The following PIP4K2A variants were observed in gnomAD, a reference collection of about 807,000 sequenced individuals.
PIP4K2A encodes phosphatidylinositol-5-phosphate 4-kinase type 2 alpha.
Under a neutral mutation model 42.9 loss-of-function variants are expected in PIP4K2A, and 14 were observed. The ratio of observed to expected loss-of-function variants is 0.33; its 90% CI spans 0.22 to 0.51. The LOEUF is 0.51. Among genes scored for constraint, PIP4K2A ranks in the 20% least tolerant of loss-of-function variants. The pLI, the probability that PIP4K2A is intolerant of heterozygous loss-of-function variation, is 0.97. For missense variants in PIP4K2A, 434 were observed against 519.8 expected (o/e 0.83, Z 1.61); for synonymous variants, 192 against 192.2 (o/e 1.00, Z 0.01).
At chr10:22,604,217 T>C (rs1564439182) in intron 3 of PIP4K2A, among the ~76,000 whole-genome samples, 1 of 152,346 alleles carries the variant, frequency 6.6e-6, no homozygotes. Context: ...TGTTTTCATT[T>C]TTCATTTCAT....
intron 1 of PIP4K2A, chr10:22,646,201 T>G (rs1402398309): frequency 6.6e-6 from 1 of 152,214 alleles, no homozygotes; most frequent in Non-Finnish European, 1.5e-5. Flanking sequence ...GCAGGTACTT[T>G]GGTCACCAAG....
chr10:22,630,348 AAC>A (rs1838523767), intron 1 of PIP4K2A, among the ~76,000 whole-genome samples: 1 of 124,576 alleles, frequency 8.0e-6, no homozygotes. Context: ...TGATCACCAT[AAC>A]AGTTTAATCA....
At chr10:22,712,114 C>A (rs562248850) in intron 1 of PIP4K2A, among the ~76,000 whole-genome samples, 1 of 152,172 alleles carries the variant, frequency 6.6e-6, no homozygotes, top group Non-Finnish European at 1.5e-5. Context: ...GTTGTGGATA[C>A]TTAGAACTGC....
intron 1 of PIP4K2A, among the ~76,000 whole-genome samples, chr10:22,648,108 T>TC (rs1372713607): frequency 6.6e-6 from 1 of 152,230 alleles, no homozygotes; most frequent in East Asian, 1.9e-4. Flanking sequence ...TGACTTATCT[T>TC]CCTTCCAGTC....
intron 1 of PIP4K2A, among the ~76,000 whole-genome samples, chr10:22,685,865 C>A (rs1388420460): frequency 1.3e-5 from 2 of 152,226 alleles, no homozygotes; most frequent in Non-Finnish European, 2.9e-5. Flanking sequence ...CACCTCCAGT[C>A]ATTCACACTG....
intron 1 of PIP4K2A, among the ~76,000 whole-genome samples, chr10:22,637,298 C>T (rs1750768): frequency 0.065 from 9,889 of 152,114 alleles, 484 homozygotes; most frequent in African/African-American, 0.13. Flanking sequence ...CCATCCATAA[C>T]GATCTAAGAT....
At chr10:22,673,343 G>A (rs757270160) in intron 1 of PIP4K2A, among the ~76,000 whole-genome samples, 2 of 152,040 alleles carry the variant, frequency 1.3e-5, no homozygotes, top group African/African-American at 4.8e-5. Context: ...TTTTGTATGC[G>A]CAGGACTCAG....
intron 1 of PIP4K2A, among the ~76,000 whole-genome samples, chr10:22,660,466 A>G (rs1171502): frequency 0.49 from 74,411 of 151,922 alleles, 20,224 homozygotes; most frequent in African/African-American, 0.72. Context: ...GTGAGACTCC[A>G]TCTCAAAAAA....
At chr10:22,567,803 T>G in intron 6 of PIP4K2A, 48 bp downstream of exon 6, 1 of 1,486,188 alleles carries the variant, frequency 6.7e-7, no homozygotes, top group Non-Finnish European at 9.4e-7. Context: ...ATTGGGAGTA[T>G]GTGATCATGC....
At chr10:22,639,950 A>G (rs1158267421) in intron 1 of PIP4K2A, among the ~76,000 whole-genome samples, 1 of 151,946 alleles carries the variant, frequency 6.6e-6, no homozygotes, top group Middle Eastern at 3.2e-3. Context: ...TGCAAACTTA[A>G]TTAAAACTGG....
intron 1 of PIP4K2A, among the ~76,000 whole-genome samples, chr10:22,674,686 A>G (rs1186838429): frequency 6.6e-6 from 1 of 152,098 alleles, no homozygotes; most frequent in Non-Finnish European, 1.5e-5. Flanking sequence ...TCATGCCTGT[A>G]ATCCCAGCAC....
intron 4 of PIP4K2A, among the ~76,000 whole-genome samples, chr10:22,573,730 G>A (rs1217431373): frequency 6.6e-6 from 1 of 152,212 alleles, no homozygotes. Flanking sequence ...ATATGATCGT[G>A]TAAGGCAAGA....
intron 5 of PIP4K2A, among the ~76,000 whole-genome samples, chr10:22,571,645 A>G (rs1469890818): frequency 6.6e-6 from 1 of 152,242 alleles, no homozygotes; most frequent in Non-Finnish European, 1.5e-5. Flanking sequence ...CATTGATATG[A>G]TTTCAGATTT....
chr10:22,644,539 T>C (rs1482808617), intron 1 of PIP4K2A, among the ~76,000 whole-genome samples: 2 of 152,172 alleles, frequency 1.3e-5, no homozygotes, highest in Non-Finnish European at 2.9e-5. Flanking sequence ...GGTCCCCACC[T>C]CACTTCCCAG....
chr10:22,691,047 C>T (rs980545953), intron 1 of PIP4K2A, among the ~76,000 whole-genome samples: 2 of 152,182 alleles, frequency 1.3e-5, no homozygotes, highest in Admixed American at 6.5e-5. Flanking sequence ...GTGGTGGTGT[C>T]TCGATTTTAC....
intron 7 of PIP4K2A, among the ~76,000 whole-genome samples, chr10:22,544,651 G>C (rs533263998): frequency 6.6e-6 from 1 of 152,356 alleles, no homozygotes; most frequent in East Asian, 1.9e-4. Flanking sequence ...CACCCCTCCA[G>C]TCCTCTGCAA....
chr10:22,658,560 A>G (rs1839145035), intron 1 of PIP4K2A, among the ~76,000 whole-genome samples: 1 of 152,236 alleles, frequency 6.6e-6, no homozygotes, highest in Admixed American at 6.5e-5. Flanking sequence ...TGAATTCAAG[A>G]ACTGCAATTA....
At chr10:22,688,000 AG>A (rs1839795859) in intron 1 of PIP4K2A, among the ~76,000 whole-genome samples, 1 of 152,186 alleles carries the variant, frequency 6.6e-6, no homozygotes, top group Admixed American at 6.5e-5. Flanking sequence ...TCAAATATAC[AG>A]AGTAAAATTA....
At chr10:22,558,362 T>A (rs1836604368) in intron 6 of PIP4K2A, among the ~76,000 whole-genome samples, 1 of 152,224 alleles carries the variant, frequency 6.6e-6, no homozygotes, top group Non-Finnish European at 1.5e-5. Context: ...GGAAGGAATT[T>A]TAGGTAATCC....
Sources: allele counts gnomAD v4.1 joint callset (sites outside exome capture counted in the v4.1 genomes callset), GRCh38; gene constraint gnomAD v4.1.1; transcripts MANE v1.5; gene names NCBI Gene and HGNC (gene_info 2026-07-23, HGNC 2026-07-21).